The following NFKB1 variants were observed in gnomAD, a reference collection of about 807,000 sequenced individuals.
The protein encoded by NFKB1 is nuclear factor NF-kappa-B p105 subunit.
A neutral mutation model predicts 105.1 loss-of-function variants in NFKB1; 9 were observed. The ratio of observed to expected loss-of-function variants is 0.09; its 90% CI spans 0.05 to 0.15. The LOEUF (loss-of-function observed/expected upper bound fraction) is 0.15. NFKB1 is among the 10% of genes least tolerant of loss of function. NFKB1 has a pLI of 1.00. For missense variants in NFKB1, 830 were observed against 1,203.7 expected (o/e 0.69, Z 4.59); for synonymous variants, 440 against 442.2 (o/e 1.00, Z 0.06).
At position 102,596,257 on chromosome 4, in the gene NFKB1, G is replaced by A. The variant is rs1337707554; in HGVS notation, c.1420G>A (p.Glu474Lys). The stretch of plus-strand genomic sequence containing the variant: ...CACAGAGCAAGATCAGGAGCCCAGC[G>A]AGGCCACCGTTGGGAATGGTGAGGT... ...ETTEQDQEPS[E>K]ATVGNGEVTL... is the part of the protein sequence containing the mutation. Residue 474 changes from glutamate to lysine, a missense_variant, in exon 14 of 24, where the codon GAG becomes AAG. Physicochemically the swap from Glu to Lys is moderately conservative, Grantham distance 56. Transcript: ENST00000226574. 6 of 1,613,778 alleles carry A rather than the reference G, an allele frequency of 3.7e-6. No homozygotes were observed. The highest frequency in any genetic ancestry group is 1.1e-5 in the South Asian group (1 of 91,054).
rs1728651933 is a variant in NFKB1, at chr4:102,613,595, C to T, written c.2749+14C>T. On this transcript the variant is annotated intron_variant, in intron 23 of 23. Coordinates refer to ENST00000226574, the MANE Select transcript of NFKB1 (RefSeq NM_003998.4). Reference sequence around the variant, plus strand: ...GGCAGCAAATAGGTAAAAAAAAAGACAAAAGACAGTGGAGATATTTTCCAG... The same window carrying T: ...GGCAGCAAATAGGTAAAAAAAAAGATAAAAGACAGTGGAGATATTTTCCAG... The T allele has an allele frequency of 1.2e-6, 2 of 1,609,178 alleles. No individual in the cohort carries two copies. The highest frequency in any genetic ancestry group is 2.2e-5 in the East Asian group (1 of 44,818).
At chr4:102,597,698 T>TG (rs1726751535) in intron 15 of NFKB1, 37 bp downstream of exon 15, 1 of 1,592,908 alleles carries the variant, frequency 6.3e-7, no homozygotes, top group Middle Eastern at 1.8e-4. Flanking sequence ...TTGTCCTGGG[T>TG]GGGGAAGAAG....
At chr4:102,598,395 C>T (rs1166425575) in intron 15 of NFKB1, among the ~76,000 whole-genome samples, 1 of 152,192 alleles carries the variant, frequency 6.6e-6, no homozygotes, top group Non-Finnish European at 1.5e-5. Context: ...TATCTAAAAC[C>T]TTCCTAAAAT....
intron 22 of NFKB1, among the ~76,000 whole-genome samples, chr4:102,613,182 G>GTC (rs1014776025): frequency 3.9e-5 from 6 of 152,234 alleles, no homozygotes; most frequent in African/African-American, 9.6e-5. Context: ...TTCTCTCGCT[G>GTC]TCTCTCTCTC....
intron 1 of NFKB1, among the ~76,000 whole-genome samples, chr4:102,512,095 A>G (rs1396554735): frequency 2.6e-5 from 4 of 152,216 alleles, no homozygotes; most frequent in Admixed American, 1.3e-4. Flanking sequence ...GATATTCCTC[A>G]CTAAACAAAA....
intron 5 of NFKB1, among the ~76,000 whole-genome samples, chr4:102,559,937 CT>C (rs1723270340): frequency 6.9e-6 from 1 of 144,094 alleles, no homozygotes; most frequent in Non-Finnish European, 1.5e-5. Flanking sequence ...GACCCTGTCC[CT>C]TTAAAAAAAA....
chr4:102,567,892 A>C (rs1218109350), intron 6 of NFKB1, among the ~76,000 whole-genome samples: 1 of 152,240 alleles, frequency 6.6e-6, no homozygotes, highest in Non-Finnish European at 1.5e-5. Flanking sequence ...CACACAATAC[A>C]AACTGATATG....
intron 7 of NFKB1, chr4:102,577,882 T>G (rs1724991571): frequency 1.0e-6 from 1 of 985,208 alleles, no homozygotes. Flanking sequence ...CCACTTCTAA[T>G]CAAGTTTACA....
intron 5 of NFKB1, among the ~76,000 whole-genome samples, chr4:102,565,369 C>T (rs1308590317): frequency 6.6e-6 from 1 of 152,070 alleles, no homozygotes; most frequent in Non-Finnish European, 1.5e-5. Context: ...GGAGTCTGTC[C>T]TTTGTTGACG....
Position 102,586,784 on chromosome 4 carries a change from C to T in NFKB1, c.1066+1964C>T, listed in dbSNP as rs114537097. Among the ~76,000 whole-genome samples, 836 of 152,254 alleles carry T rather than the reference C, an allele frequency of 5.5e-3. 12 individuals are homozygous for T. The highest frequency in any genetic ancestry group is 0.019 in the African/African-American group (794 of 41,548). Reference sequence around the variant, plus strand: ...AGGGAGGTCAGTAAAATGATTGCCACGGGGCACCCAGATCCTTGCTGAGGT... The same window carrying T: ...AGGGAGGTCAGTAAAATGATTGCCATGGGGCACCCAGATCCTTGCTGAGGT... On this transcript the variant is annotated intron_variant, in intron 11 of 23. Transcript: ENST00000226574.
chr4:102,515,485 T>C (rs1286644884), intron 1 of NFKB1, among the ~76,000 whole-genome samples: 1 of 152,200 alleles, frequency 6.6e-6, no homozygotes, highest in Non-Finnish European at 1.5e-5. Flanking sequence ...GTGCTATCTC[T>C]TCTTTATTCT....
intron 16 of NFKB1, among the ~76,000 whole-genome samples, chr4:102,602,048 G>T (rs973237953): frequency 1.3e-5 from 2 of 152,024 alleles, no homozygotes; most frequent in African/African-American, 4.8e-5. Flanking sequence ...CCAAAATCCT[G>T]TGTAATTATT....
intron 23 of NFKB1, among the ~76,000 whole-genome samples, 195 bp downstream of exon 23, chr4:102,613,776 G>GA (rs1190494544): frequency 6.6e-6 from 1 of 152,068 alleles, no homozygotes; most frequent in Non-Finnish European, 1.5e-5. Flanking sequence ...CGTACCCTTG[G>GA]AAAATCACAT....
chr4:102,569,375 C>T (rs1724132628), intron 6 of NFKB1, among the ~76,000 whole-genome samples: 1 of 152,034 alleles, frequency 6.6e-6, no homozygotes, highest in South Asian at 2.1e-4. Flanking sequence ...CTCCAGAATT[C>T]TGGACTGAAC....
intron 5 of NFKB1, among the ~76,000 whole-genome samples, chr4:102,557,680 G>A (rs1560670728): frequency 6.6e-6 from 1 of 152,204 alleles, no homozygotes; most frequent in South Asian, 2.1e-4. Flanking sequence ...AAATATCTGA[G>A]TCTGGTGCCA....
At chr4:102,522,225 G>A (rs989624673) in intron 1 of NFKB1, among the ~76,000 whole-genome samples, 3 of 152,186 alleles carry the variant, frequency 2.0e-5, no homozygotes, top group African/African-American at 4.8e-5. Flanking sequence ...ATATTACTTA[G>A]TGATTCATCC....
intron 16 of NFKB1, among the ~76,000 whole-genome samples, chr4:102,602,538 C>CAAA (rs767444879): frequency 1.3e-5 from 1 of 78,116 alleles, no homozygotes; most frequent in African/African-American, 4.8e-5. Flanking sequence ...CGCTCTGTCT[C>CAAA]AAAAAAAAAA....
chr4:102,607,329 A>G lies in NFKB1; in HGVS notation c.2124+10A>G. 6.2e-7 allele frequency: 1 copy of G among 1,607,058 alleles called. No homozygotes were observed. Among genetic ancestry groups the G allele is most frequent in the Non-Finnish European group, 8.5e-7 (1 of 1,175,586 alleles). ...CTGCCTGCTCCTGGAGGTGAAGGGC[A>G]CACTTATTTGCTTTTGCATTAAATT... On this transcript the variant is annotated intron_variant, in intron 18 of 23. Coordinates refer to ENST00000226574, the MANE Select transcript of NFKB1 (RefSeq NM_003998.4).
Position 102,537,720 on chromosome 4 carries a change from G to A in NFKB1, c.160-138G>A, listed in dbSNP as rs230525. The A allele has an allele frequency of 0.68, 360,593 of 531,092 alleles. 123,721 individuals carry two copies. Among genetic ancestry groups the A allele is most frequent in the African/African-American group, 0.8 (41,200 of 51,566 alleles). 32.9% of individuals were successfully genotyped at this position (531,092 alleles called of 1,614,324 possible). On this transcript the variant is annotated intron_variant, in intron 4 of 23. Coordinates refer to ENST00000226574, the MANE Select transcript of NFKB1 (RefSeq NM_003998.4). ...TACGGGAAAAGTGATTCTTGTTTAC[G>A]GAGCCCTCTTTCACAGTTTCATGTT...
Sources: allele counts gnomAD v4.1 joint callset (sites outside exome capture counted in the v4.1 genomes callset), GRCh38; gene constraint gnomAD v4.1.1; transcripts MANE v1.5; gene names NCBI Gene and HGNC (gene_info 2026-07-23, HGNC 2026-07-21).